ARHGEF40: variants seen among roughly 807,000 people sequenced by gnomAD.
The protein encoded by ARHGEF40 is Rho guanine nucleotide exchange factor (GEF) 40.
ARHGEF40 carries 98 observed loss-of-function variants against 165.9 expected under a neutral mutation model. The observed-to-expected ratio is 0.59, with a 90% CI of 0.50 to 0.70. The LOEUF (loss-of-function observed/expected upper bound fraction) is 0.70, where lower values mean the gene tolerates loss of function less well. Among genes scored for constraint, ARHGEF40 ranks in the 30% least tolerant of loss-of-function variants. The pLI is 0.00. For synonymous variants in ARHGEF40, 792 were observed against 814.3 expected (o/e 0.97, Z 0.47); for missense variants, 1,815 against 1,968.0 (o/e 0.92, Z 1.47).
At position 21,089,074 on chromosome 14, in the gene ARHGEF40, T is replaced by C. The variant is rs1037729866; in HGVS notation, c.*66T>C. The C allele has an allele frequency of 1.1e-5, 6 of 540,822 alleles. No individual in the cohort carries two copies. The highest frequency in any genetic ancestry group is 7.7e-5 in the African/African-American group (4 of 52,004). 33.5% of individuals were successfully genotyped at this position (540,822 alleles called of 1,614,324 possible). On this transcript the variant is annotated 3_prime_UTR_variant, in exon 24 of 24. Transcript: ENST00000298694. Reference sequence around the variant, plus strand: ...AGCACACTTTGGGCTGGGATGGCAGTGGGGCATAATGGAGCCCTGGGCGAT... The same window carrying C: ...AGCACACTTTGGGCTGGGATGGCAGCGGGGCATAATGGAGCCCTGGGCGAT...
chr14:21,071,213 C>G (rs1276711516), intron 1 of ARHGEF40, among the ~76,000 whole-genome samples: 1 of 152,074 alleles, frequency 6.6e-6, no homozygotes, highest in Non-Finnish European at 1.5e-5. Context: ...GGAGGGTACG[C>G]TAAGGAGAAG....
In ARHGEF40 at chr14:21,089,977, A is replaced by G. The variant is rs141237467; in HGVS notation, c.*969A>G. 4.5e-6 allele frequency: 1 copy of G among 221,226 alleles called. No individual in the cohort carries two copies. Among genetic ancestry groups the G allele is most frequent in the African/African-American group, 2.3e-5 (1 of 43,728 alleles). The allele number at this position is 221,226 out of a possible 1,614,324, so 13.7% of individuals were successfully genotyped here. On this transcript the variant is annotated 3_prime_UTR_variant, in exon 24 of 24. Coordinates refer to ENST00000298694, the MANE Select transcript of ARHGEF40 (RefSeq NM_018071.5). ...CCCAATATTCTGCATTTCTTATCAA[A>G]CTCTTTGGGTGATAACTAAGTGTCT...
chr14:21,071,885 C>G (rs1489435428), intron 1 of ARHGEF40, among the ~76,000 whole-genome samples: 2 of 152,196 alleles, frequency 1.3e-5, no homozygotes, highest in Non-Finnish European at 2.9e-5. Flanking sequence ...CTGAATGTCC[C>G]GTCTCTGGAG....
At chr14:21,082,528 G>T (rs1888008134) in intron 15 of ARHGEF40, 50 bp downstream of exon 15, 2 of 1,507,144 alleles carry the variant, frequency 1.3e-6, no homozygotes, top group African/African-American at 1.4e-5. Context: ...CTCTGTTCCA[G>T]CCTCATCCAT....
chr14:21,085,545 G>A (rs1331452739), intron 18 of ARHGEF40, 144 bp from the exon 19 acceptor site: 12 of 933,384 alleles, frequency 1.3e-5, no homozygotes, highest in East Asian at 5.3e-5. Context: ...AAGACTAAAC[G>A]TAGAGCACTT....
In ARHGEF40 at chr14:21,076,558, C is replaced by T. The variant is rs765163444; in HGVS notation, c.1837-5C>T. ...CAGTTTAGGGTTATTCTTTTCTGCC[C>T]TTAGGACTCAGGAGATCCTCCCCTT... On this transcript the variant is annotated splice_region_variant and splice_polypyrimidine_tract_variant and intron_variant, in intron 6 of 23. Transcript: ENST00000298694. 3 of 1,614,216 alleles carry T rather than the reference C, an allele frequency of 1.9e-6. No homozygotes were observed. The highest frequency in any genetic ancestry group is 2.5e-6 in the Non-Finnish European group (3 of 1,180,038).
chr14:21,084,345 T>C (rs1888174395), intron 17 of ARHGEF40, among the ~76,000 whole-genome samples: 1 of 152,180 alleles, frequency 6.6e-6, no homozygotes, highest in African/African-American at 2.4e-5. Flanking sequence ...CTCCTGCACC[T>C]CAACACCCAA....
rs753689255 is a variant in ARHGEF40, at chr14:21,082,425, C to G, written c.3433C>G (p.Leu1145Val). 1 of 1,608,658 alleles carries G rather than the reference C, an allele frequency of 6.2e-7. No individual in the cohort carries two copies. Among genetic ancestry groups the G allele is most frequent in the Admixed American group, 1.7e-5 (1 of 59,878 alleles). ...CCACCGGACACACTTTCTGCGGGAG[C>G]TTCAGGGCTGCGCCACCCACCCCCT... ...SFHRTHFLRE[L>V]QGCATHPLRI... Residue 1145 changes from leucine to valine, a missense_variant, in exon 15 of 24, where the codon CTT (leucine) becomes GTT (valine). Transcript: ENST00000298694.
intron 8 of ARHGEF40, among the ~76,000 whole-genome samples, chr14:21,077,444 G>A (rs1376012340): frequency 6.6e-6 from 1 of 152,106 alleles, no homozygotes; most frequent in African/African-American, 2.4e-5. Context: ...ATGACATTAA[G>A]TAGTGTATGA....
Position 21,071,765 on chromosome 14 carries a change from C to G in ARHGEF40, c.4-1280C>G, listed in dbSNP as rs1369750125. ...GGCCCCACTCTGCCTCACCCCCGCC[C>G]ATCTCCACCTTCCCCCCACCCACGC... On this transcript the variant is annotated intron_variant, in intron 1 of 23. Transcript: ENST00000298694. 3.3e-5 allele frequency among the ~76,000 whole-genome samples: 5 copies of G among 152,350 alleles called. No homozygotes were observed. In the South Asian group the frequency reaches 1.0e-3, roughly 32 times the overall value.
In ARHGEF40 at chr14:21,089,890, G is replaced by A. The variant is rs950720135; in HGVS notation, c.*882G>A. The A allele has an allele frequency of 4.9e-6, 1 of 204,086 alleles. No homozygotes were observed. Among genetic ancestry groups the A allele is most frequent in the African/African-American group, 2.3e-5 (1 of 42,976 alleles). The allele number at this position is 204,086 out of a possible 1,614,324, so 12.6% of individuals were successfully genotyped here. A position where few individuals can be genotyped will look rare whatever the true frequency, so the allele number is the denominator to read the frequency against. On this transcript the variant is annotated 3_prime_UTR_variant, in exon 24 of 24. Transcript: ENST00000298694. ...ACAGTGCGTGAGAACTTGCTTGGCTGTTTGTTAAATGCTAATTCTTGGGCC... is the reference window on the plus strand; with the variant it reads ...ACAGTGCGTGAGAACTTGCTTGGCTATTTGTTAAATGCTAATTCTTGGGCC...
intron 13 of ARHGEF40, 105 bp from the exon 14 acceptor site, chr14:21,081,404 T>C: frequency 6.8e-7 from 1 of 1,469,022 alleles, no homozygotes; most frequent in Non-Finnish European, 9.2e-7. Flanking sequence ...TGACGGGCAT[T>C]GGGAGGCCAC....
At position 21,080,998 on chromosome 14, in the gene ARHGEF40, A is replaced by C. The variant is rs780344341; in HGVS notation, c.2622A>C (p.Leu874=). The change falls in exon 13 of 24, where the codon CTA becomes CTC. Residue 874 remains leucine, a synonymous_variant. Transcript: ENST00000298694. ...VESGLHRALR[L]QRFFQQAHEW... ...GTGGCCTCCATCGGGCCCTGCGGCT[A>C]CAGCGCTTCTTCCAGCAGGTGCATG... The C allele has an allele frequency of 4.3e-6, 7 of 1,613,388 alleles. No homozygotes were observed. Among genetic ancestry groups the C allele is most frequent in the African/African-American group, 2.7e-5 (2 of 74,912 alleles).
At chr14:21,078,316 G>A (rs1295038011) in intron 9 of ARHGEF40, 44 bp downstream of exon 9, 3 of 1,604,930 alleles carry the variant, frequency 1.9e-6, no homozygotes, top group Admixed American at 3.4e-5. Context: ...ATTGGGATGG[G>A]GCTGGGGTGG....
chr14:21,075,290 C>T lies in ARHGEF40; in HGVS notation c.1451-42C>T, dbSNP rs1321204514. 6.2e-7 allele frequency: 1 copy of T among 1,609,392 alleles called. No homozygotes were observed. Among genetic ancestry groups the T allele is most frequent in the Admixed American group, 1.7e-5 (1 of 59,780 alleles). The stretch of plus-strand genomic sequence containing the variant: ...AGGCTGGGAGCAGAACAACCAGAAC[C>T]ATCTTAACTTCAGTCCCATGTTTCT... On this transcript the variant is annotated intron_variant, in intron 3 of 23. Transcript: ENST00000298694. The surrounding 1 kb of genome is among the most constrained non-coding windows in gnomAD (Gnocchi z 4.5).
upstream of ARHGEF40, among the ~76,000 whole-genome samples, chr14:21,067,607 T>C (rs939122674): frequency 1.3e-5 from 2 of 152,202 alleles, no homozygotes; most frequent in Non-Finnish European, 2.9e-5. Context: ...CAAAGAGTCT[T>C]AAATGGGTGA....
chr14:21,075,317 TCTGTGTCTGTGCAGGACACACAGGCC>T lies in ARHGEF40; in HGVS notation c.1451-13_1463del. 6.2e-7 allele frequency: 1 copy of T among 1,613,528 alleles called. No homozygotes were observed. The highest frequency in any genetic ancestry group is 1.1e-5 in the South Asian group (1 of 91,052). On this transcript the variant is annotated splice_acceptor_variant and splice_polypyrimidine_tract_variant and coding_sequence_variant and intron_variant, in exon 4 of 24. Coordinates refer to ENST00000298694, the MANE Select transcript of ARHGEF40 (RefSeq NM_018071.5). LOFTEE classifies it high-confidence loss of function. This position sits in a 1 kb window ranked among gnomAD's most constrained non-coding sequence, Gnocchi z 4.5. ...TCTTAACTTCAGTCCCATGTTTCTG[TCTGTGTCTGTGCAGGACACACAGGCC>T]CAGAAGGCCCCCTGTCTGACACTCC... is the stretch of plus-strand genomic sequence containing the variant.
rs1208843071 is a variant in ARHGEF40, at chr14:21,081,888, G to A, written c.3020G>A (p.Cys1007Tyr). The A allele has an allele frequency of 6.2e-7, 1 of 1,613,358 alleles. No homozygotes were observed. Residue 1007 changes from cysteine to tyrosine, a missense_variant, in exon 14 of 24, where the codon TGC becomes TAC. Cys to Tyr is a radical substitution (Grantham distance 194). Coordinates refer to ENST00000298694, the MANE Select transcript of ARHGEF40 (RefSeq NM_018071.5). ...GGGCCACGGCCAGCCCCATCCCATT[G>A]CTCCCTGGCCCCATGTGGAGAGGAC... Reference protein sequence around the residue: ...SPGPRPAPSHCSLAPCGEDYE... With the variant: ...SPGPRPAPSHYSLAPCGEDYE...
rs1193933625 is a variant in ARHGEF40, at chr14:21,074,500, C to G, written c.770C>G (p.Thr257Arg). 6.4e-7 allele frequency: 1 copy of G among 1,556,280 alleles called. No homozygotes were observed. The highest frequency in any genetic ancestry group is 2.3e-5 in the East Asian group (1 of 43,366). ...EVTLPVRGSPTDAEGSPGLSR... is the reference protein window; with the variant it reads ...EVTLPVRGSPRDAEGSPGLSR... Reference sequence around the variant, plus strand: ...ACGCTGCCCGTGAGGGGGAGCCCAACAGATGCTGAAGGCTCCCCAGGCCTC... The same window carrying G: ...ACGCTGCCCGTGAGGGGGAGCCCAAGAGATGCTGAAGGCTCCCCAGGCCTC... Residue 257 changes from threonine (T) to arginine (R), a missense_variant, in exon 3 of 24, where the codon ACA (threonine) becomes AGA (arginine). Thr to Arg is a moderately conservative substitution (Grantham distance 71). Transcript: ENST00000298694. The surrounding 1 kb of genome is among the most constrained non-coding windows in gnomAD (Gnocchi z 4.8).
Sources: allele counts gnomAD v4.1 joint callset (sites outside exome capture counted in the v4.1 genomes callset), GRCh38; gene constraint gnomAD v4.1.1; non-coding constraint Gnocchi (gnomAD v3.1); transcripts MANE v1.5; gene names NCBI Gene and HGNC (gene_info 2026-07-23, HGNC 2026-07-21).